NGEF: variants seen among roughly 807,000 people sequenced by gnomAD.
The protein encoded by NGEF is neuronal guanine nucleotide exchange factor, also known as ephexin-1.
A neutral mutation model predicts 80.9 loss-of-function variants in NGEF; 31 were observed. The ratio of observed to expected loss-of-function variants is 0.38; its 90% CI spans 0.29 to 0.52. The LOEUF (loss-of-function observed/expected upper bound fraction) is 0.52. NGEF is among the 20% of genes least tolerant of loss of function. The pLI, the probability that NGEF is intolerant of heterozygous loss-of-function variation, is 0.84. For synonymous variants in NGEF, 371 were observed against 370.2 expected (o/e 1.00, Z -0.03); for missense variants, 709 against 926.2 (o/e 0.77, Z 3.04).
chr2:232,997,521 A>G (rs72980035), intron 1 of NGEF, among the ~76,000 whole-genome samples: 30,600 of 152,020 alleles, frequency 0.2, 3,747 homozygotes, highest in Non-Finnish European at 0.28. Flanking sequence ...TTGGGCCTAC[A>G]GTGGAGATTT....
intron 1 of NGEF, among the ~76,000 whole-genome samples, chr2:232,990,091 T>C (rs1694621417): frequency 6.6e-6 from 1 of 152,130 alleles, no homozygotes; most frequent in African/African-American, 2.4e-5. Context: ...ATAAAACAAA[T>C]AAGTTATCAG....
rs142730344 is a variant in NGEF, at chr2:232,943,444, C to T, written c.384-16258G>A. On this transcript the variant is annotated intron_variant, in intron 3 of 14. Transcript: ENST00000264051. Reference sequence around the variant, plus strand: ...TAAACCCAGGGCCTCAGTTTCCGTACTGCCTGTGCTGTCTCCACCGACTGT... The same window carrying T: ...TAAACCCAGGGCCTCAGTTTCCGTATTGCCTGTGCTGTCTCCACCGACTGT... 7.9e-5 allele frequency among the ~76,000 whole-genome samples: 12 copies of T among 152,022 alleles called. No individual in the cohort carries two copies. In the East Asian group the frequency reaches 2.1e-3, roughly 27 times the overall value.
intron 4 of NGEF, among the ~76,000 whole-genome samples, chr2:232,921,065 CTT>C (rs1450172605): frequency 1.3e-5 from 2 of 152,180 alleles, no homozygotes; most frequent in African/African-American, 4.8e-5. Context: ...TTTCATCAAT[CTT>C]ATGATTTAAA....
At chr2:232,895,041 C>G in intron 5 of NGEF, 125 bp from the exon 6 acceptor site, 1 of 1,076,334 alleles carries the variant, frequency 9.3e-7, no homozygotes, top group Non-Finnish European at 1.3e-6. Context: ...TCGCCTGCTC[C>G]TGGGGCCTGG....
intron 3 of NGEF, among the ~76,000 whole-genome samples, chr2:232,941,591 G>A (rs1360632597): frequency 1.3e-5 from 2 of 150,348 alleles, no homozygotes; most frequent in South Asian, 2.1e-4. Context: ...TTACTCGTAC[G>A]TGTTTAAAAT....
At chr2:233,004,056 G>A (rs570091645) in intron 1 of NGEF, among the ~76,000 whole-genome samples, 51 of 152,248 alleles carry the variant, frequency 3.3e-4, no homozygotes, top group African/African-American at 1.1e-3. Flanking sequence ...CCAGCAAGCC[G>A]ACTTCATTTC....
intron 13 of NGEF, among the ~76,000 whole-genome samples, chr2:232,881,909 A>G (rs374280187): frequency 1.3e-5 from 2 of 152,192 alleles, no homozygotes; most frequent in East Asian, 1.9e-4. Context: ...ACAACTGGCA[A>G]ACCTAAAACA....
intron 3 of NGEF, among the ~76,000 whole-genome samples, chr2:232,944,726 AATATATATATATATAT>A (rs57851903): frequency 0.015 from 1,595 of 108,686 alleles, 62 homozygotes; most frequent in African/African-American, 0.019. Flanking sequence ...GACTTTTCCG[AATATATATATATATAT>A]ATATATATAT....
rs557351739 is a variant in NGEF, at chr2:232,953,041, C to T, written c.383+17173G>A. Among the ~76,000 whole-genome samples, 285 of 148,152 alleles carry T rather than the reference C, an allele frequency of 1.9e-3. 1 individual carries two copies. Among genetic ancestry groups the T allele is most frequent in the African/African-American group, 6.8e-3 (272 of 40,224 alleles). On this transcript the variant is annotated intron_variant, in intron 3 of 14. Transcript: ENST00000264051. ...GATTGGGGCCAGGCGCAGTGGCTCA[C>T]GCCTGTAATCCCAGCACTTTGGGAG...
At chr2:232,948,752 T>C (rs1283667282) in intron 3 of NGEF, among the ~76,000 whole-genome samples, 1 of 152,200 alleles carries the variant, frequency 6.6e-6, no homozygotes, top group Non-Finnish European at 1.5e-5. Context: ...GCACAGTGGC[T>C]CACGCCTGTA....
At chr2:232,940,053 G>A (rs1195053325) in intron 3 of NGEF, among the ~76,000 whole-genome samples, 7 of 152,088 alleles carry the variant, frequency 4.6e-5, no homozygotes, top group Non-Finnish European at 1.0e-4. Flanking sequence ...GGGTAGGGAT[G>A]GGTCCGTCTA....
intron 3 of NGEF, among the ~76,000 whole-genome samples, chr2:232,938,197 G>T (rs963948531): frequency 6.6e-6 from 1 of 152,134 alleles, no homozygotes; most frequent in Non-Finnish European, 1.5e-5. Context: ...CAAGAATTTT[G>T]CTCTTTTTCC....
chr2:232,906,448 C>T (rs1469269478), intron 5 of NGEF, among the ~76,000 whole-genome samples: 1 of 103,418 alleles, frequency 9.7e-6, no homozygotes, highest in African/African-American at 3.6e-5. Flanking sequence ...GTGAGGGGCA[C>T]CTCCCTCCGG....
chr2:232,917,442 AGG>A (rs1692828438), intron 5 of NGEF, among the ~76,000 whole-genome samples: 1 of 151,920 alleles, frequency 6.6e-6, no homozygotes, highest in Non-Finnish European at 1.5e-5. Context: ...AAGTGCATAG[AGG>A]AGTTACGTAT....
chr2:232,998,916 G>C (rs1694911906), intron 1 of NGEF, among the ~76,000 whole-genome samples: 1 of 152,182 alleles, frequency 6.6e-6, no homozygotes, highest in Admixed American at 6.5e-5. Flanking sequence ...GTTCAATATG[G>C]GGTCCTCAGT....
At chr2:232,890,771 G>A (rs1255278990) in intron 8 of NGEF, among the ~76,000 whole-genome samples, 4 of 152,018 alleles carry the variant, frequency 2.6e-5, no homozygotes, top group Admixed American at 6.5e-5. Flanking sequence ...ACCCTCTGGA[G>A]CAGCCAGGGC....
At chr2:232,927,015 TA>T (rs768840853) in intron 4 of NGEF, 28 bp downstream of exon 4, 2 of 1,613,810 alleles carry the variant, frequency 1.2e-6, no homozygotes, top group Admixed American at 1.7e-5. Context: ...GTTTCCCAAA[TA>T]AAACCCGGTT....
Position 232,885,294 on chromosome 2 carries a change from C to T in NGEF, c.1423G>A (p.Glu475Lys), listed in dbSNP as rs779796433. The T allele has an allele frequency of 6.2e-7, 1 of 1,614,060 alleles. No homozygotes were observed. The highest frequency in any genetic ancestry group is 8.5e-7 in the Non-Finnish European group (1 of 1,180,010). Residue 475 changes from glutamate (E) to lysine (K), a missense_variant, in exon 10 of 15, where the codon GAG becomes AAG. By Grantham distance (56) the Glu-to-Lys change is moderately conservative. Coordinates refer to ENST00000264051, the MANE Select transcript of NGEF (RefSeq NM_019850.3). Reference sequence around the variant, plus strand: ...CACCGGTTCACCTTGATCTTGAACTCCATCTTCTTCTGAATGCTGATCATC... The same window carrying T: ...CACCGGTTCACCTTGATCTTGAACTTCATCTTCTTCTGAATGCTGATCATC... ...EQMISIQKKM[E>K]FKIKSVPIIS... is the part of the protein sequence containing the mutation.
intron 5 of NGEF, among the ~76,000 whole-genome samples, chr2:232,907,619 G>A (rs1156296428): frequency 1.3e-5 from 2 of 152,034 alleles, no homozygotes; most frequent in African/African-American, 4.8e-5. Flanking sequence ...ACATCAGTTA[G>A]GTCAGCCTCA....
Sources: allele counts gnomAD v4.1 joint callset (sites outside exome capture counted in the v4.1 genomes callset), GRCh38; gene constraint gnomAD v4.1.1; transcripts MANE v1.5; gene names NCBI Gene and HGNC (gene_info 2026-07-23, HGNC 2026-07-21).